The following FGF14 variants were observed in gnomAD, a reference collection of about 807,000 sequenced individuals.
FGF14 encodes fibroblast growth factor 14.
FGF14 carries 5 observed loss-of-function variants against 25.5 expected under a neutral mutation model. The observed-to-expected ratio is 0.20, with a 90% CI of 0.10 to 0.41. The LOEUF (loss-of-function observed/expected upper bound fraction) is 0.41. Among genes scored for constraint, FGF14 ranks in the 10% least tolerant of loss-of-function variants. The pLI is 1.00. For synonymous variants in FGF14, 138 were observed against 118.3 expected, an observed-to-expected ratio of 1.17 and a Z score of -1.08; for missense variants, 222 against 320.1, an observed-to-expected ratio of 0.69 and a Z score of 2.34.
At chr13:102,346,579 G>T (rs989685105) in intron 1 of FGF14, among the ~76,000 whole-genome samples, 26 of 152,132 alleles carry the variant, frequency 1.7e-4, no homozygotes, top group African/African-American at 6.3e-4. Flanking sequence ...TATATATAGA[G>T]AGAGAGAACA....
At chr13:102,274,009 G>A (rs1287290421) in intron 1 of FGF14, among the ~76,000 whole-genome samples, 2 of 151,312 alleles carry the variant, frequency 1.3e-5, no homozygotes, top group Non-Finnish European at 2.9e-5. Flanking sequence ...AGAAAGGGAA[G>A]GAAGGGAAGG....
intron 1 of FGF14, among the ~76,000 whole-genome samples, chr13:102,095,690 T>A (rs2044361613): frequency 6.6e-6 from 1 of 152,172 alleles, no homozygotes; most frequent in Non-Finnish European, 1.5e-5. Flanking sequence ...ACCTTTATGA[T>A]GATCCACTTC....
At chr13:102,236,382 T>C (rs758002057) in intron 1 of FGF14, among the ~76,000 whole-genome samples, 4 of 152,006 alleles carry the variant, frequency 2.6e-5, no homozygotes, top group Non-Finnish European at 1.5e-5. Context: ...AGAAGGAAAA[T>C]CCTTCAACAG....
At position 101,719,381 on chromosome 13, in the gene FGF14, T is replaced by C. The variant is rs2034843189; in HGVS notation, c.*3450A>G. ...GAGTCCTTTGGACCCATCGTGGATC[T>C]CTTTAAGCCACTGCTACCCAAAAAC... On this transcript the variant is annotated 3_prime_UTR_variant, in exon 5 of 5. Transcript: ENST00000376143. 6.6e-6 allele frequency: 1 copy of C among 152,052 alleles called. No individual in the cohort carries two copies. Among genetic ancestry groups the C allele is most frequent in the Non-Finnish European group, 1.5e-5 (1 of 68,010 alleles). 9.4% of individuals were successfully genotyped at this position (152,052 alleles called of 1,614,324 possible).
chr13:102,376,955 C>A (rs775890324), intron 1 of FGF14, among the ~76,000 whole-genome samples: 15 of 152,174 alleles, frequency 9.9e-5, no homozygotes, highest in Non-Finnish European at 1.8e-4. Flanking sequence ...CTGAAGCCTG[C>A]AGTGAGAAAT....
intron 1 of FGF14, among the ~76,000 whole-genome samples, chr13:102,376,471 C>T (rs781066940): frequency 3.3e-5 from 5 of 152,166 alleles, no homozygotes; most frequent in Non-Finnish European, 5.9e-5. Flanking sequence ...CTGTCTGCCT[C>T]TCCTCCATGC....
At chr13:102,056,636 A>T (rs1156472336) in intron 1 of FGF14, among the ~76,000 whole-genome samples, 2 of 152,036 alleles carry the variant, frequency 1.3e-5, no homozygotes, top group Non-Finnish European at 2.9e-5. Flanking sequence ...ACTAAGAAAC[A>T]TTTCGTAATA....
intron 1 of FGF14, among the ~76,000 whole-genome samples, chr13:102,326,578 A>G (rs899062042): frequency 6.6e-6 from 1 of 150,930 alleles, no homozygotes; most frequent in Non-Finnish European, 1.5e-5. Context: ...GGGATAGAAG[A>G]AACATGCACA....
intron 1 of FGF14, among the ~76,000 whole-genome samples, chr13:102,257,625 G>A (rs902541076): frequency 9.9e-5 from 15 of 151,956 alleles, no homozygotes; most frequent in Admixed American, 2.6e-4. Flanking sequence ...GAGCCACCAC[G>A]CCCAGCCGTT....
chr13:102,270,434 T>C (rs1386373909), intron 1 of FGF14, among the ~76,000 whole-genome samples: 1 of 152,148 alleles, frequency 6.6e-6, no homozygotes, highest in African/African-American at 2.4e-5. Flanking sequence ...CATTTCTCTA[T>C]AGATAGAAAT....
intron 1 of FGF14, among the ~76,000 whole-genome samples, chr13:102,350,489 C>A (rs2057245001): frequency 6.6e-6 from 1 of 152,196 alleles, no homozygotes; most frequent in African/African-American, 2.4e-5. Context: ...TGTTATACTT[C>A]CTGCCCATGT....
At chr13:101,920,577 A>G (rs890742452), upstream of FGF14, among the ~76,000 whole-genome samples, 1 of 152,182 alleles carries the variant, frequency 6.6e-6, no homozygotes, top group African/African-American at 2.4e-5. Flanking sequence ...CTGTATTATC[A>G]TCATCTTCCA....
intron 1 of FGF14, among the ~76,000 whole-genome samples, chr13:102,340,413 G>T (rs1044429418): frequency 1.3e-5 from 2 of 151,152 alleles, no homozygotes; most frequent in Non-Finnish European, 1.5e-5. Context: ...TTCTTTGCCC[G>T]CACATCCTTG....
chr13:102,003,162 A>G (rs1261863503), intron 1 of FGF14: 4 of 152,120 alleles, frequency 2.6e-5, no homozygotes, highest in African/African-American at 9.7e-5. Context: ...ATCACTGGAA[A>G]TGTATAACAA....
chr13:102,275,262 T>TCTTTCTCTC (rs1555391875), intron 1 of FGF14, among the ~76,000 whole-genome samples: 1 of 68,916 alleles, frequency 1.5e-5, no homozygotes, highest in African/African-American at 5.0e-5. Flanking sequence ...CTCTCTCTCT[T>TCTTTCTCTC]TCTCTCTCTC....
chr13:101,961,107 T>C (rs895328074), intron 1 of FGF14, among the ~76,000 whole-genome samples: 1 of 152,216 alleles, frequency 6.6e-6, no homozygotes, highest in Non-Finnish European at 1.5e-5. Flanking sequence ...GGTGGATAAA[T>C]TGCAAAAGCT....
At chr13:102,146,825 A>G (rs976912125) in intron 1 of FGF14, among the ~76,000 whole-genome samples, 2 of 152,220 alleles carry the variant, frequency 1.3e-5, no homozygotes, top group African/African-American at 4.8e-5. Flanking sequence ...ACATTCATGA[A>G]GACCACTAAT....
intron 1 of FGF14, among the ~76,000 whole-genome samples, chr13:102,075,798 G>A (rs2043337893): frequency 6.6e-6 from 1 of 152,156 alleles, no homozygotes; most frequent in Non-Finnish European, 1.5e-5. Context: ...ACAAGATGTG[G>A]AAGTGGAACA....
At chr13:101,745,295 A>C (rs915812862) in intron 3 of FGF14, among the ~76,000 whole-genome samples, 7 of 152,024 alleles carry the variant, frequency 4.6e-5, no homozygotes, top group Non-Finnish European at 1.0e-4. Context: ...CCTCCCCATT[A>C]TCAGCGTCCT....
Sources: gnomAD v4.1 joint callset for allele counts (sites outside exome capture counted in the v4.1 genomes callset) on GRCh38, gnomAD v4.1.1 for gene constraint, MANE v1.5 for transcripts, NCBI Gene and HGNC (gene_info 2026-07-23, HGNC 2026-07-21) for gene names.